Variants in TMEM107 observed in about 807,000 individuals in gnomAD.
TMEM107 encodes transmembrane protein 107.
Under a neutral mutation model 16.8 loss-of-function variants are expected in TMEM107, and 18 were observed. The observed-to-expected ratio is 1.07, with a 90% CI of 0.74 to 1.59. The LOEUF is 1.59. Among genes scored for constraint, TMEM107 ranks in the 40% most tolerant of loss-of-function variants. The probability of loss-of-function intolerance (pLI) is 0.00; values close to 1 mark genes in which losing one functional copy is unlikely to be tolerated. For synonymous variants in TMEM107, 68 were observed against 71.6 expected (o/e 0.95, Z 0.25); for missense variants, 152 against 175.4 (o/e 0.87, Z 0.75).
chr17:8,173,350 G>GA lies in TMEM107; in HGVS notation c.*852_*853insT. 1.6e-6 allele frequency: 1 copy of GA among 608,358 alleles called. No individual in the cohort carries two copies. The allele number at this position is 608,358 out of a possible 1,614,324, so 37.7% of individuals were successfully genotyped here. On this transcript the variant is annotated 3_prime_UTR_variant, in exon 5 of 5. Coordinates refer to ENST00000437139, the MANE Select transcript of TMEM107 (RefSeq NM_183065.4). ...ATAGACAAACAGCAATAGCAAGACT[G>GA]CAAAATAGACAAACAGCAAGGTTAT...
At position 8,173,280 on chromosome 17, in the gene TMEM107, C is replaced by A. The variant is rs939705120; in HGVS notation, c.*923G>T. 5.8e-6 allele frequency: 3 copies of A among 521,692 alleles called. No individual in the cohort carries two copies. Among genetic ancestry groups the A allele is most frequent in the South Asian group, 2.8e-5 (1 of 36,156 alleles). The allele number at this position is 521,692 out of a possible 1,614,324, so 32.3% of individuals were successfully genotyped here. A position where few individuals can be genotyped will look rare whatever the true frequency, so the allele number is the denominator to read the frequency against. On this transcript the variant is annotated 3_prime_UTR_variant, in exon 5 of 5. Coordinates refer to ENST00000437139, the MANE Select transcript of TMEM107 (RefSeq NM_183065.4). The stretch of plus-strand genomic sequence containing the variant: ...CTAAATTCCAGAAAGCAACAAAAAC[C>A]AAATCACAATTTTCAAGAACAAACA...
rs996208816 is a variant in TMEM107 at position 8,173,335 on chromosome 17, A to G, written c.*868T>C. The stretch of plus-strand genomic sequence containing the variant: ...TAGCAAGACTGCAAAATAGACAAAC[A>G]GCAATAGCAAGACTGCAAAATAGAC... On this transcript the variant is annotated 3_prime_UTR_variant, in exon 5 of 5. Transcript: ENST00000437139. 14 of 561,170 alleles carry G rather than the reference A, an allele frequency of 2.5e-5. No homozygotes were observed. The highest frequency in any genetic ancestry group is 5.5e-5 in the Admixed American group (2 of 36,650). The allele number at this position is 561,170 out of a possible 1,614,324, so 34.8% of individuals were successfully genotyped here. A position where few individuals can be genotyped will look rare whatever the true frequency, so the allele number is the denominator to read the frequency against.
rs1381632746 is a variant in TMEM107, at chr17:8,173,625, A to C, written c.*578T>G. The stretch of plus-strand genomic sequence containing the variant: ...GCCGACATTCTGCACTCAGTGAAAA[A>C]GATTCCGTTACAAGCTAGGGTGAGT... On this transcript the variant is annotated 3_prime_UTR_variant, in exon 5 of 5. Coordinates refer to ENST00000437139, the MANE Select transcript of TMEM107 (RefSeq NM_183065.4). 1 of 748,238 alleles carries C rather than the reference A, an allele frequency of 1.3e-6. No homozygotes were observed. Among genetic ancestry groups the C allele is most frequent in the South Asian group, 1.4e-5 (1 of 72,976 alleles). 46.3% of individuals were successfully genotyped at this position (748,238 alleles called of 1,614,324 possible). A position where few individuals can be genotyped will look rare whatever the true frequency, so the allele number is the denominator to read the frequency against.
In TMEM107 at chr17:8,173,803, C is replaced by T; in HGVS notation, c.*400G>A. The T allele has an allele frequency of 1.9e-6, 1 of 520,102 alleles. No homozygotes were observed. The highest frequency in any genetic ancestry group is 2.5e-5 in the South Asian group (1 of 39,510). 32.2% of individuals were successfully genotyped at this position (520,102 alleles called of 1,614,324 possible). On this transcript the variant is annotated 3_prime_UTR_variant, in exon 5 of 5. Coordinates refer to ENST00000437139, the MANE Select transcript of TMEM107 (RefSeq NM_183065.4). ...CAGAATGCTCCGATCAGTTACGTGC[C>T]GGACGTTCTAACTGTACGCACTTTC...
In TMEM107 at chr17:8,173,359, A is replaced by ACAAACAG; in HGVS notation, c.*837_*843dup. The ACAAACAG allele has an allele frequency of 1.6e-6, 1 of 616,568 alleles. No individual in the cohort carries two copies. Among genetic ancestry groups the ACAAACAG allele is most frequent in the Admixed American group, 2.3e-5 (1 of 44,190 alleles). The allele number at this position is 616,568 out of a possible 1,614,324, so 38.2% of individuals were successfully genotyped here. ...CAGCAATAGCAAGACTGCAAAATAGACAAACAGCAAGGTTATCCCAGTCAG... is the reference window on the plus strand; with the variant it reads ...CAGCAATAGCAAGACTGCAAAATAGACAAACAGCAAACAGCAAGGTTATCCCAGTCAG... On this transcript the variant is annotated 3_prime_UTR_variant, in exon 5 of 5. Transcript: ENST00000437139.
chr17:8,175,932 TC>T, intron 2 of TMEM107, 26 bp downstream of exon 2: 1 of 1,614,184 alleles, frequency 6.2e-7, no homozygotes. Flanking sequence ...ACCTCTTCGT[TC>T]TGGCCACCCC....
rs2151451626 is a variant in TMEM107, at chr17:8,176,192, G to A, written c.87+8C>T. On this transcript the variant is annotated splice_region_variant and intron_variant, in intron 1 of 4. Transcript: ENST00000437139. The stretch of plus-strand genomic sequence containing the variant: ...TGGGGACGGATTGAGTGCAGCCGTG[G>A]GTCTTACCCGGGACCAGAATAAGGT... 1 of 1,613,738 alleles carries A rather than the reference G, an allele frequency of 6.2e-7. No individual in the cohort carries two copies. Among genetic ancestry groups the A allele is most frequent in the Non-Finnish European group, 8.5e-7 (1 of 1,179,618 alleles).
In TMEM107 at chr17:8,173,520, A is replaced by C. The variant is rs769050708; in HGVS notation, c.*683T>G. The C allele has an allele frequency of 2.4e-5, 18 of 765,298 alleles. 1 individual carries two copies. The highest frequency in any genetic ancestry group is 4.8e-5 in the East Asian group (2 of 41,264). 47.4% of individuals were successfully genotyped at this position (765,298 alleles called of 1,614,324 possible). On this transcript the variant is annotated 3_prime_UTR_variant, in exon 5 of 5. Coordinates refer to ENST00000437139, the MANE Select transcript of TMEM107 (RefSeq NM_183065.4). ...CAGAGACGTTAATCACGTTTCATGC[A>C]TCTCCAATCATCATGTTCTAATCTG...
chr17:8,173,407 A>T lies in TMEM107; in HGVS notation c.*796T>A, dbSNP rs758464380. ...CAGAACTTCATAGCTATGTTTGTGG[A>T]TATCTGCTAATCAGCATAACACAAA... On this transcript the variant is annotated 3_prime_UTR_variant, in exon 5 of 5. Transcript: ENST00000437139. 2.2e-5 allele frequency: 16 copies of T among 730,722 alleles called. No individual in the cohort carries two copies. The highest frequency in any genetic ancestry group is 7.1e-4 in the Middle Eastern group (2 of 2,806). The allele number at this position is 730,722 out of a possible 1,614,324, so 45.3% of individuals were successfully genotyped here.
rs1183719882 is a variant in TMEM107, at chr17:8,172,948, A to G, written c.*1255T>C. On this transcript the variant is annotated 3_prime_UTR_variant, in exon 5 of 5. Coordinates refer to ENST00000437139, the MANE Select transcript of TMEM107 (RefSeq NM_183065.4). ...TCTCAAGTCTGAAAAGTGACTCTGGATTTGGGAAGAAGTCATTGGTGATGA... is the reference window on the plus strand; with the variant it reads ...TCTCAAGTCTGAAAAGTGACTCTGGGTTTGGGAAGAAGTCATTGGTGATGA... Among the ~76,000 whole-genome samples the G allele has an allele frequency of 6.6e-6, 1 of 151,584 alleles. No individual in the cohort carries two copies. The highest frequency in any genetic ancestry group is 2.4e-5 in the African/African-American group (1 of 41,254).
chr17:8,173,475 T>G lies in TMEM107; in HGVS notation c.*728A>C, dbSNP rs569097222. On this transcript the variant is annotated 3_prime_UTR_variant, in exon 5 of 5. Coordinates refer to ENST00000437139, the MANE Select transcript of TMEM107 (RefSeq NM_183065.4). ...AAGAATCAGACAGGAGCAATCAGGG[T>G]GTTGCAAGTCCTGATTACGCAGAGA... 20 of 764,690 alleles carry G rather than the reference T, an allele frequency of 2.6e-5. No homozygotes were observed. In the Admixed American group the frequency reaches 2.9e-4, roughly 11 times the overall value. 47.4% of individuals were successfully genotyped at this position (764,690 alleles called of 1,614,324 possible).
rs1983689245 is a variant in TMEM107, at chr17:8,173,174, A to T, written c.*1029T>A. ...TGCACAAGACTGCAGATATTTACTGATGTGCAATGTTTCCTGAGAAGTGAG... is the reference window on the plus strand; with the variant it reads ...TGCACAAGACTGCAGATATTTACTGTTGTGCAATGTTTCCTGAGAAGTGAG... On this transcript the variant is annotated 3_prime_UTR_variant, in exon 5 of 5. Coordinates refer to ENST00000437139, the MANE Select transcript of TMEM107 (RefSeq NM_183065.4). The T allele has an allele frequency of 2.8e-6, 1 of 359,880 alleles. No individual in the cohort carries two copies. Among genetic ancestry groups the T allele is most frequent in the Non-Finnish European group, 5.2e-6 (1 of 191,666 alleles). The allele number at this position is 359,880 out of a possible 1,614,324, so 22.3% of individuals were successfully genotyped here. A position where few individuals can be genotyped will look rare whatever the true frequency, so the allele number is the denominator to read the frequency against.
rs542085874 is a variant in TMEM107, at chr17:8,173,320, G to T, written c.*883C>A. The T allele has an allele frequency of 3.6e-6, 2 of 548,692 alleles. No homozygotes were observed. The highest frequency in any genetic ancestry group is 2.7e-5 in the South Asian group (1 of 36,804). 34.0% of individuals were successfully genotyped at this position (548,692 alleles called of 1,614,324 possible). On this transcript the variant is annotated 3_prime_UTR_variant, in exon 5 of 5. Coordinates refer to ENST00000437139, the MANE Select transcript of TMEM107 (RefSeq NM_183065.4). ...AAGAACAAACAAATTTAGCAAGACT[G>T]CAAAATAGACAAACAGCAATAGCAA... is the stretch of plus-strand genomic sequence containing the variant.
rs146092673 is a variant in TMEM107, at chr17:8,173,537, T to C, written c.*666A>G. ...TTTCATGCATCTCCAATCATCATGTTCTAATCTGCCCTCCGGAGGAGGAAC... is the reference window on the plus strand; with the variant it reads ...TTTCATGCATCTCCAATCATCATGTCCTAATCTGCCCTCCGGAGGAGGAAC... On this transcript the variant is annotated 3_prime_UTR_variant, in exon 5 of 5. Transcript: ENST00000437139. 2.4e-3 allele frequency: 1,802 copies of C among 765,422 alleles called. 16 individuals are homozygous for C. The highest frequency in any genetic ancestry group is 0.01 in the South Asian group (758 of 74,610). The allele number at this position is 765,422 out of a possible 1,614,324, so 47.4% of individuals were successfully genotyped here.
chr17:8,176,015 T>TA lies in TMEM107; in HGVS notation c.98dup (p.Gln34ThrfsTer14). 2 of 1,614,060 alleles carry TA rather than the reference T, an allele frequency of 1.2e-6. No individual in the cohort carries two copies. Among genetic ancestry groups the TA allele is most frequent in the Non-Finnish European group, 1.7e-6 (2 of 1,180,022 alleles). ...TGAACGTGAGAGGCAGGCAGGCCTG[T>TA]ATGTTGCTGTCCTGGGAGCAGGGCA... On this transcript the variant is annotated frameshift_variant, in exon 2 of 5. Transcript: ENST00000437139. LOFTEE classifies it high-confidence loss of function.
At chr17:8,175,719 T>A in intron 3 of TMEM107, 38 bp downstream of exon 3, 1 of 1,544,448 alleles carries the variant, frequency 6.5e-7, no homozygotes, top group Non-Finnish European at 9.0e-7. Flanking sequence ...CTGATAGAAG[T>A]GGGTCGTGTG....
chr17:8,173,480 C>CG lies in TMEM107; in HGVS notation c.*722_*723insC. On this transcript the variant is annotated 3_prime_UTR_variant, in exon 5 of 5. Transcript: ENST00000437139. ...TCAGACAGGAGCAATCAGGGTGTTG[C>CG]AAGTCCTGATTACGCAGAGACGTTA... 1.3e-6 allele frequency: 1 copy of CG among 764,862 alleles called. No individual in the cohort carries two copies. Among genetic ancestry groups the CG allele is most frequent in the Non-Finnish European group, 2.4e-6 (1 of 417,988 alleles). The allele number at this position is 764,862 out of a possible 1,614,324, so 47.4% of individuals were successfully genotyped here. A position where few individuals can be genotyped will look rare whatever the true frequency, so the allele number is the denominator to read the frequency against.
Position 8,172,877 on chromosome 17 carries a change from C to CAAAAAAAAAAAAAAAAAAAAAAAAAAAAA in TMEM107, c.*1325_*1326insTTTTTTTTTTTTTTTTTTTTTTTTTTTTT, listed in dbSNP as rs1357679181. 9.5e-6 allele frequency among the ~76,000 whole-genome samples: 1 copy of CAAAAAAAAAAAAAAAAAAAAAAAAAAAAA among 104,980 alleles called. No homozygotes were observed. The allele number at this position is 104,980 out of a possible 152,430, so 68.9% of individuals were successfully genotyped here. A position where few individuals can be genotyped will look rare whatever the true frequency, so the allele number is the denominator to read the frequency against. ...TCTCAAAAAAAAAAAAAAAAAAAAC[C>CAAAAAAAAAAAAAAAAAAAAAAAAAAAAA]AAAAGAGGGGGGTGGTCAACATACC... On this transcript the variant is annotated 3_prime_UTR_variant, in exon 5 of 5. Coordinates refer to ENST00000437139, the MANE Select transcript of TMEM107 (RefSeq NM_183065.4).
chr17:8,172,870 A>AAAC lies in TMEM107; in HGVS notation c.*1332_*1333insGTT, dbSNP rs1314505661. Reference sequence around the variant, plus strand: ...GAGACTGTCTCAAAAAAAAAAAAAAAAAAAACCAAAAGAGGGGGGTGGTCA... The same window carrying AAAC: ...GAGACTGTCTCAAAAAAAAAAAAAAAAACAAAAACCAAAAGAGGGGGGTGGTCA... On this transcript the variant is annotated 3_prime_UTR_variant, in exon 5 of 5. Transcript: ENST00000437139. 5.5e-4 allele frequency among the ~76,000 whole-genome samples: 76 copies of AAAC among 139,160 alleles called. 1 individual carries two copies. The highest frequency in any genetic ancestry group is 8.6e-4 in the Non-Finnish European group (52 of 60,690). The allele number at this position is 139,160 out of a possible 152,430, so 91.3% of individuals were successfully genotyped here. A position where few individuals can be genotyped will look rare whatever the true frequency, so the allele number is the denominator to read the frequency against.
Sources: gnomAD v4.1 joint callset for allele counts (sites outside exome capture counted in the v4.1 genomes callset) on GRCh38, gnomAD v4.1.1 for gene constraint, MANE v1.5 for transcripts, NCBI Gene and HGNC (gene_info 2026-07-23, HGNC 2026-07-21) for gene names.